ZNF143: variants seen among roughly 807,000 people sequenced by gnomAD.
ZNF143 encodes the protein zinc finger protein 143.
In ZNF143, 49 loss-of-function variants were observed where a neutral mutation model predicts 74.1. That is an observed-to-expected ratio of 0.66 (90% CI 0.53 to 0.84). The LOEUF (loss-of-function observed/expected upper bound fraction) is 0.84, where lower values mean the gene tolerates loss of function less well. Ranked by LOEUF, ZNF143 falls within the 40% of genes least tolerant of loss-of-function variation. The pLI, the probability that ZNF143 is intolerant of heterozygous loss-of-function variation, is 0.00. For missense variants in ZNF143, 637 were observed against 793.4 expected, an observed-to-expected ratio of 0.80 and a Z score of 2.37; for synonymous variants, 304 against 282.8, an observed-to-expected ratio of 1.07 and a Z score of -0.75.
intron 8 of ZNF143, among the ~76,000 whole-genome samples, chr11:9,495,076 GAT>G (rs1462945122): frequency 6.6e-6 from 1 of 152,158 alleles, no homozygotes; most frequent in Non-Finnish European, 1.5e-5. Flanking sequence ...TTATATGAGA[GAT>G]ATGTGTGTAA....
intron 7 of ZNF143, among the ~76,000 whole-genome samples, chr11:9,490,977 C>T (rs1181168569): frequency 2.6e-5 from 4 of 152,242 alleles, no homozygotes; most frequent in Non-Finnish European, 5.9e-5. Flanking sequence ...ACGCGATCCT[C>T]CCACCTTGGC....
chr11:9,490,294 CTTT>C (rs56672880), intron 7 of ZNF143, among the ~76,000 whole-genome samples: 1 of 94,012 alleles, frequency 1.1e-5, no homozygotes. Context: ...TTTTTTTTTG[CTTT>C]TTTTTTTTTT....
intron 9 of ZNF143, 57 bp from the exon 10 acceptor site, chr11:9,497,618 G>C (rs939823688): frequency 4.5e-6 from 6 of 1,342,186 alleles, no homozygotes; most frequent in Admixed American, 2.2e-5. Context: ...CTTATTCTCA[G>C]TGTGCATGTT....
intron 1 of ZNF143, among the ~76,000 whole-genome samples, chr11:9,461,391 G>T (rs1254206836): frequency 6.6e-6 from 1 of 152,204 alleles, no homozygotes; most frequent in Non-Finnish European, 1.5e-5. Context: ...GAGTGAAAGA[G>T]GGGAGGGTGG....
chr11:9,496,498 T>G lies in ZNF143; in HGVS notation c.841+120T>G. ...TCTGCAGAAGCACATGATCAGTTTT[T>G]CAGTCTCTCTCATAACTGCCTTTCG... On this transcript the variant is annotated intron_variant, in intron 9 of 15. Transcript: ENST00000396602. The G allele has an allele frequency of 3.8e-6, 3 of 783,868 alleles. No homozygotes were observed. In the South Asian group the frequency reaches 4.8e-5, roughly 12 times the overall value. 48.6% of individuals were successfully genotyped at this position (783,868 alleles called of 1,614,324 possible).
At chr11:9,486,412 A>AAATATATT (rs1847518947) in intron 7 of ZNF143, among the ~76,000 whole-genome samples, 1 of 19,326 alleles carries the variant, frequency 5.2e-5, no homozygotes, top group Non-Finnish European at 1.0e-4. Flanking sequence ...TTATATATAT[A>AAATATATT]ATATATATTA....
intron 1 of ZNF143, among the ~76,000 whole-genome samples, chr11:9,462,761 G>C (rs1178256814): frequency 6.6e-6 from 1 of 152,052 alleles, no homozygotes; most frequent in African/African-American, 2.4e-5. Flanking sequence ...TGTAATCCCA[G>C]TTACTCTGGA....
intron 15 of ZNF143, among the ~76,000 whole-genome samples, chr11:9,527,106 T>A (rs1335568040): frequency 2.6e-5 from 4 of 152,174 alleles, no homozygotes; most frequent in African/African-American, 4.8e-5. Context: ...GTGCTGAGAT[T>A]ACAGGCGTGA....
chr11:9,526,270 C>G (rs768122923), intron 15 of ZNF143, among the ~76,000 whole-genome samples: 2 of 151,626 alleles, frequency 1.3e-5, no homozygotes, highest in Non-Finnish European at 2.9e-5. Context: ...GGAAGGATCA[C>G]TTGAGCAAGG....
chr11:9,488,109 G>A (rs192895780), intron 7 of ZNF143, among the ~76,000 whole-genome samples: 23 of 152,230 alleles, frequency 1.5e-4, no homozygotes, highest in African/African-American at 5.1e-4. Context: ...AGATAGCCAG[G>A]CATGGTGGCA....
intron 11 of ZNF143, among the ~76,000 whole-genome samples, chr11:9,502,073 A>G (rs1301601180): frequency 6.7e-6 from 1 of 148,718 alleles, no homozygotes; most frequent in African/African-American, 2.5e-5. Context: ...AGTAACTGGG[A>G]TTACAGGCAT....
At chr11:9,522,730 G>T (rs1848981357) in intron 14 of ZNF143, among the ~76,000 whole-genome samples, 1 of 151,976 alleles carries the variant, frequency 6.6e-6, no homozygotes, top group Non-Finnish European at 1.5e-5. Flanking sequence ...CTGACCTCAG[G>T]TGATCCACCC....
chr11:9,471,510 A>G, intron 2 of ZNF143, 90 bp downstream of exon 2: 2 of 938,914 alleles, frequency 2.1e-6, no homozygotes, highest in Middle Eastern at 4.7e-4. Context: ...CTGATTTAGC[A>G]GAAAACAATA....
chr11:9,512,370 T>C, intron 12 of ZNF143, 78 bp from the exon 13 acceptor site: 1 of 1,512,920 alleles, frequency 6.6e-7, no homozygotes. Flanking sequence ...TGTAATTTTC[T>C]CTTTAATATT....
In ZNF143 at chr11:9,516,324, G is replaced by GT; in HGVS notation, c.1650dup (p.Ala551CysfsTer6). 6.2e-7 allele frequency: 1 copy of GT among 1,613,904 alleles called. No homozygotes were observed. Among genetic ancestry groups the GT allele is most frequent in the Non-Finnish European group, 8.5e-7 (1 of 1,179,892 alleles). On this transcript the variant is annotated frameshift_variant, in exon 14 of 16. Transcript: ENST00000396602. LOFTEE classifies it high-confidence loss of function. ...CATCTCCTCAGCAGGAACGCACTCT[G>GT]TTGCTATGGTTACTGCTGAGGGTAC...
In ZNF143 at chr11:9,478,565, T is replaced by C; in HGVS notation, c.549T>C (p.Ala183=). The C allele has an allele frequency of 1.9e-6, 3 of 1,614,046 alleles. No individual in the cohort carries two copies. Among genetic ancestry groups the C allele is most frequent in the Non-Finnish European group, 2.5e-6 (3 of 1,179,946 alleles). The change falls in exon 6 of 16, where the codon GCT becomes GCC. Residue 183 remains alanine (A), a synonymous_variant. Coordinates refer to ENST00000396602, the MANE Select transcript of ZNF143 (RefSeq NM_003442.6). ...DATIDPDTIS[A]LEQYAAKVSI... The stretch of plus-strand genomic sequence containing the variant: ...CAATTGACCCTGACACCATCAGTGC[T>C]TTGGAACAGTATGCAGCAAAGGTAT...
intron 7 of ZNF143, among the ~76,000 whole-genome samples, chr11:9,486,336 TTATATTATATA>T (rs1185681538): frequency 2.9e-4 from 23 of 80,412 alleles, no homozygotes; most frequent in South Asian, 6.4e-4. Flanking sequence ...TAGGCGCTAA[TTATATTATATA>T]TATATTATAT....
chr11:9,470,941 A>T (rs1268801351), intron 1 of ZNF143, among the ~76,000 whole-genome samples: 2 of 152,064 alleles, frequency 1.3e-5, no homozygotes, highest in Non-Finnish European at 2.9e-5. Context: ...ATTTCTGAAG[A>T]TTAAGTCAAC....
At chr11:9,471,475 A>C in intron 2 of ZNF143, 55 bp downstream of exon 2, 2 of 1,352,288 alleles carry the variant, frequency 1.5e-6, no homozygotes, top group Non-Finnish European at 2.0e-6. Flanking sequence ...TCTTAAAAGA[A>C]AAAAAATTTA....
Sources: gnomAD v4.1 joint callset for allele counts (sites outside exome capture counted in the v4.1 genomes callset) on GRCh38, gnomAD v4.1.1 for gene constraint, MANE v1.5 for transcripts, NCBI Gene and HGNC (gene_info 2026-07-23, HGNC 2026-07-21) for gene names.